The following C1QTNF2 variants were observed in gnomAD, a reference collection of about 807,000 sequenced individuals.
C1QTNF2 encodes the protein C1q and TNF related 2, also known as complement C1q tumor necrosis factor-related protein 2.
In C1QTNF2, 15 loss-of-function variants were observed where a neutral mutation model predicts 17.4. That is an observed-to-expected ratio of 0.86 (90% CI 0.58 to 1.33). C1QTNF2 has a LOEUF of 1.33. Among genes scored for constraint, C1QTNF2 ranks in the 40% most tolerant of loss-of-function variants. C1QTNF2 has a pLI of 0.00. For missense variants in C1QTNF2, 381 were observed against 392.3 expected (o/e 0.97, Z 0.24); for synonymous variants, 154 against 163.3 (o/e 0.94, Z 0.44).
intron 1 of C1QTNF2, among the ~76,000 whole-genome samples, chr5:160,355,649 T>C (rs1031289904): frequency 4.6e-5 from 7 of 152,220 alleles, no homozygotes; most frequent in Non-Finnish European, 1.0e-4. Context: ...ATAGAATAGA[T>C]ACAGGAGAAG....
intron 2 of C1QTNF2, among the ~76,000 whole-genome samples, chr5:160,354,147 T>C (rs769780972): frequency 2.0e-5 from 3 of 152,158 alleles, no homozygotes; most frequent in Admixed American, 1.3e-4. Flanking sequence ...TTTGGGACTA[T>C]AAATTGAGTT....
Position 160,348,066 on chromosome 5 carries a change from C to T in C1QTNF2, c.*1102G>A, listed in dbSNP as rs1280305849. 2 of 152,264 alleles carry T rather than the reference C, an allele frequency of 1.3e-5. No homozygotes were observed. The highest frequency in any genetic ancestry group is 2.1e-4 in the South Asian group (1 of 4,838). 9.4% of individuals were successfully genotyped at this position (152,264 alleles called of 1,614,324 possible). A position where few individuals can be genotyped will look rare whatever the true frequency, so the allele number is the denominator to read the frequency against. The stretch of plus-strand genomic sequence containing the variant: ...GCTACCACATCCCGCCAGCACCTGG[C>T]ACTTTTACTGCAGCTTCTTAAGCCC... On this transcript the variant is annotated 3_prime_UTR_variant, in exon 3 of 3. Coordinates refer to ENST00000652664, the MANE Select transcript of C1QTNF2 (RefSeq NM_031908.6).
In C1QTNF2 at chr5:160,350,790, GC is replaced by G. The variant is rs562821295; in HGVS notation, c.245-1010del. On this transcript the variant is annotated intron_variant, in intron 2 of 2. Coordinates refer to ENST00000652664, the MANE Select transcript of C1QTNF2 (RefSeq NM_031908.6). ...TTTTGAGACGGAATCTTGCTCTGTC[GC>G]CCAGGCTGGAGCACAGTGGCGCGAT... Among the ~76,000 whole-genome samples, 189 of 142,624 alleles carry G rather than the reference GC, an allele frequency of 1.3e-3. 3 individuals are homozygous for G. Among genetic ancestry groups the G allele is most frequent in the African/African-American group, 4.7e-3 (178 of 37,972 alleles). The allele number at this position is 142,624 out of a possible 152,430, so 93.6% of individuals were successfully genotyped here. A position where few individuals can be genotyped will look rare whatever the true frequency, so the allele number is the denominator to read the frequency against.
In C1QTNF2 at chr5:160,349,436, A is replaced by G; in HGVS notation, c.590T>C (p.Phe197Ser). ...FVCGVPGIYY[F>S]TYDITLANKH... is the part of the protein sequence containing the mutation. Reference sequence around the variant, plus strand: ...GTTGGCCAGCGTGATGTCGTAGGTGAAGTAGTAGATCCCAGGCACGCCGCA... The same window carrying G: ...GTTGGCCAGCGTGATGTCGTAGGTGGAGTAGTAGATCCCAGGCACGCCGCA... The change falls in exon 3 of 3, where the codon TTC becomes TCC. Residue 197 changes from phenylalanine (F) to serine (S), a missense_variant. Phe to Ser is a radical substitution (Grantham distance 155). Transcript: ENST00000652664. The surrounding 1 kb of genome is among the most constrained non-coding windows in gnomAD (Gnocchi z 4.3). 1 of 1,613,380 alleles carries G rather than the reference A, an allele frequency of 6.2e-7. No homozygotes were observed. Among genetic ancestry groups the G allele is most frequent in the Non-Finnish European group, 8.5e-7 (1 of 1,179,868 alleles).
At position 160,348,821 on chromosome 5, in the gene C1QTNF2, C is replaced by T. The variant is rs532073516; in HGVS notation, c.*347G>A. The T allele has an allele frequency of 2.7e-4, 53 of 196,982 alleles. No individual in the cohort carries two copies. In the South Asian group the frequency reaches 6.3e-3, roughly 23 times the overall value. The allele number at this position is 196,982 out of a possible 1,614,324, so 12.2% of individuals were successfully genotyped here. ...TCAACCATGGCATGTTCATTTCTAT[C>T]CTGGCATAATATTATATTATTTGCT... On this transcript the variant is annotated 3_prime_UTR_variant, in exon 3 of 3. Coordinates refer to ENST00000652664, the MANE Select transcript of C1QTNF2 (RefSeq NM_031908.6).
intron 1 of C1QTNF2, among the ~76,000 whole-genome samples, chr5:160,364,812 GC>G (rs1764217267): frequency 7.0e-6 from 1 of 143,738 alleles, no homozygotes; most frequent in African/African-American, 3.0e-5. Flanking sequence ...GAGCCACCTG[GC>G]GTGTCTGTGC....
At chr5:160,352,626 A>T (rs187889558) in intron 2 of C1QTNF2, among the ~76,000 whole-genome samples, 7 of 152,360 alleles carry the variant, frequency 4.6e-5, no homozygotes, top group Admixed American at 2.0e-4. Context: ...CAGGATCCAT[A>T]GGCAAATCTC....
chr5:160,365,576 C>G (rs920206638), intron 1 of C1QTNF2, among the ~76,000 whole-genome samples: 3 of 151,984 alleles, frequency 2.0e-5, no homozygotes, highest in Non-Finnish European at 2.9e-5. Context: ...CCACCTCACC[C>G]CGCCATCTCT....
At chr5:160,359,872 C>A (rs1351642837) in intron 1 of C1QTNF2, among the ~76,000 whole-genome samples, 1 of 152,192 alleles carries the variant, frequency 6.6e-6, no homozygotes, top group Non-Finnish European at 1.5e-5. Context: ...GCTTACAATG[C>A]CCCAGTTGAG....
intron 1 of C1QTNF2, among the ~76,000 whole-genome samples, chr5:160,359,172 C>T (rs1764105947): frequency 6.6e-6 from 1 of 152,060 alleles, no homozygotes; most frequent in East Asian, 1.9e-4. Flanking sequence ...AACAGATACT[C>T]CAAGAAGTGA....
chr5:160,356,973 C>T (rs1764062936), intron 1 of C1QTNF2, among the ~76,000 whole-genome samples: 1 of 152,156 alleles, frequency 6.6e-6, no homozygotes, highest in African/African-American at 2.4e-5. Flanking sequence ...TGCCCACATC[C>T]CAGCAGTGTG....
At chr5:160,363,409 G>T (rs1764188960) in intron 1 of C1QTNF2, among the ~76,000 whole-genome samples, 1 of 152,100 alleles carries the variant, frequency 6.6e-6, no homozygotes, top group South Asian at 2.1e-4. Flanking sequence ...AAAGTCCTGG[G>T]GCCCACTTGA....
rs1307343103 is a variant in C1QTNF2 at position 160,349,258 on chromosome 5, C to T, written c.768G>A (p.Gln256=). The change falls in exon 3 of 3, where the codon CAG becomes CAA. Residue 256 remains glutamine, a synonymous_variant. Coordinates refer to ENST00000652664, the MANE Select transcript of C1QTNF2 (RefSeq NM_031908.6). The surrounding 1 kb of genome is among the most constrained non-coding windows in gnomAD (Gnocchi z 4.3). ...AGTAAGGGTCATAGAAGAGCCCGTT[C>T]TGCTCTGAGTAGAAGATCTGCAGCC... The part of the protein sequence containing the change: ...EVWLQIFYSE[Q]NGLFYDPYWT... The T allele has an allele frequency of 1.2e-6, 2 of 1,614,128 alleles. No individual in the cohort carries two copies. The highest frequency in any genetic ancestry group is 1.1e-5 in the South Asian group (1 of 91,086).
chr5:160,365,290 C>T (rs1020781364), intron 1 of C1QTNF2, among the ~76,000 whole-genome samples: 2 of 152,170 alleles, frequency 1.3e-5, no homozygotes, highest in African/African-American at 4.8e-5. Context: ...GGGAGAGAAA[C>T]AGAATCTGAA....
intron 2 of C1QTNF2, among the ~76,000 whole-genome samples, chr5:160,351,010 A>G: frequency 6.6e-6 from 1 of 152,190 alleles, no homozygotes; most frequent in East Asian, 1.9e-4. Flanking sequence ...TCGGCCTCCC[A>G]AAGTGCTGGG....
chr5:160,358,408 A>C (rs564535293), intron 1 of C1QTNF2, among the ~76,000 whole-genome samples: 1 of 152,248 alleles, frequency 6.6e-6, no homozygotes, highest in South Asian at 2.1e-4. Flanking sequence ...GGGTGCTTAG[A>C]GGGGCACTAA....
chr5:160,361,504 A>C (rs1764153429), intron 1 of C1QTNF2, among the ~76,000 whole-genome samples: 1 of 152,228 alleles, frequency 6.6e-6, no homozygotes, highest in Non-Finnish European at 1.5e-5. Flanking sequence ...AGGTTTTGAC[A>C]CACTGACAGA....
At chr5:160,355,321 C>T (rs1764028527) in intron 1 of C1QTNF2, 2 of 825,864 alleles carry the variant, frequency 2.4e-6, no homozygotes, top group African/African-American at 3.7e-5. Flanking sequence ...ACTTATGACC[C>T]AGAGACTGAT....
chr5:160,368,963 G>T (rs534268734), intron 1 of C1QTNF2, among the ~76,000 whole-genome samples: 1 of 151,950 alleles, frequency 6.6e-6, no homozygotes, highest in South Asian at 2.1e-4. Flanking sequence ...AACAAAGTAA[G>T]CCTGTATATG....
Sources: gnomAD v4.1 joint callset for allele counts (sites outside exome capture counted in the v4.1 genomes callset) on GRCh38, gnomAD v4.1.1 for gene constraint, Gnocchi (gnomAD v3.1) non-coding constraint, MANE v1.5 for transcripts, NCBI Gene and HGNC (gene_info 2026-07-23, HGNC 2026-07-21) for gene names.